HSPA14: variants seen among roughly 807,000 people sequenced by gnomAD.
HSPA14 encodes heat shock 70 kDa protein 14.
Under a neutral mutation model 65.5 loss-of-function variants are expected in HSPA14, and 37 were observed. That is an observed-to-expected ratio of 0.56 (90% CI 0.43 to 0.74). The LOEUF (loss-of-function observed/expected upper bound fraction) is 0.74. Ranked by LOEUF, HSPA14 falls within the 30% of genes least tolerant of loss-of-function variation. The pLI is 0.00. For synonymous variants in HSPA14, 203 were observed against 214.2 expected (o/e 0.95, Z 0.46); for missense variants, 564 against 607.6 (o/e 0.93, Z 0.75).
At chr10:14,863,109 A>G (rs1197178210) in intron 10 of HSPA14, among the ~76,000 whole-genome samples, 1 of 152,210 alleles carries the variant, frequency 6.6e-6, no homozygotes, top group African/African-American at 2.4e-5. Context: ...TAATGAATTA[A>G]TAATTTCCTA....
Position 14,854,308 on chromosome 10 carries a change from T to A in HSPA14, c.890+28T>A, listed in dbSNP as rs189348947. The A allele has an allele frequency of 1.7e-3, 2,618 of 1,546,312 alleles. 37 individuals carry two copies. In the South Asian group the frequency reaches 0.022, roughly 13 times the overall value. On this transcript the variant is annotated intron_variant, in intron 9 of 13. Coordinates refer to ENST00000378372, the MANE Select transcript of HSPA14 (RefSeq NM_016299.4). ...AAAACTGAAGTTCAAAAAACTTTTT[T>A]AAAAAATTCCAAGAACATGTTTGTT...
At chr10:14,838,586 G>C in intron 1 of HSPA14, 127 bp downstream of exon 1, 1 of 913,856 alleles carries the variant, frequency 1.1e-6, no homozygotes, top group South Asian at 1.7e-5. Flanking sequence ...GTTGCCGCGA[G>C]GACACTCCGG....
rs887168557 is a variant in HSPA14, at chr10:14,852,508, G to C, written c.711G>C (p.Gln237His). Residue 237 changes from glutamine to histidine, a missense_variant, in exon 8 of 14, where the codon CAG becomes CAC. Transcript: ENST00000378372. ...GGAHFTETLA[Q>H]YLASEFQRSF... ...CACATTTCACAGAAACCTTAGCACA[G>C]TATCTAGCTTCTGAGTTCCAAAGGT... The C allele has an allele frequency of 1.2e-6, 2 of 1,612,540 alleles. No homozygotes were observed. The highest frequency in any genetic ancestry group is 2.2e-5 in the East Asian group (1 of 44,800).
At chr10:14,839,750 A>G (rs1025118334) in intron 1 of HSPA14, among the ~76,000 whole-genome samples, 155 bp from the exon 2 acceptor site, 1 of 152,208 alleles carries the variant, frequency 6.6e-6, no homozygotes, top group Admixed American at 6.5e-5. Flanking sequence ...GCTTTCTATG[A>G]AAACGAGGAA....
Position 14,840,071 on chromosome 10 carries a change from T to C in HSPA14, c.139-4T>C, listed in dbSNP as rs1833953827. ...ATATATATATATATTATTTTTTTTTTCAGATTGTTGGATTGGCAGCAAAAC... is the reference window on the plus strand; with the variant it reads ...ATATATATATATATTATTTTTTTTTCCAGATTGTTGGATTGGCAGCAAAAC... On this transcript the variant is annotated splice_polypyrimidine_tract_variant and splice_region_variant and intron_variant, in intron 2 of 13. Transcript: ENST00000378372. The C allele has an allele frequency of 7.8e-7, 1 of 1,278,934 alleles. No individual in the cohort carries two copies. 79.2% of individuals were successfully genotyped at this position (1,278,934 alleles called of 1,614,324 possible). A position where few individuals can be genotyped will look rare whatever the true frequency, so the allele number is the denominator to read the frequency against.
intron 3 of HSPA14, chr10:14,844,122 C>T (rs1383226146): frequency 1.6e-5 from 21 of 1,352,354 alleles, no homozygotes; most frequent in Non-Finnish European, 1.8e-5. Flanking sequence ...GATGGAGCCA[C>T]GTTCTAGACA....
At chr10:14,838,637 C>G (rs561226693) in intron 1 of HSPA14, 178 bp downstream of exon 1, 4 of 597,068 alleles carry the variant, frequency 6.7e-6, no homozygotes, top group African/African-American at 5.9e-5. Context: ...CCTGGCGATT[C>G]CTCCGGAAAG....
Position 14,855,832 on chromosome 10 carries a change from T to C in HSPA14, c.891-9T>C, listed in dbSNP as rs898122941. On this transcript the variant is annotated splice_polypyrimidine_tract_variant and intron_variant, in intron 9 of 13. Transcript: ENST00000378372. The stretch of plus-strand genomic sequence containing the variant: ...CTGTGTGTTTCTGTGTGTGTGTATG[T>C]GTGTACAGAGCAAGATTTGAACTTC... 1 of 1,440,644 alleles carries C rather than the reference T, an allele frequency of 6.9e-7. No individual in the cohort carries two copies. Among genetic ancestry groups the C allele is most frequent in the Admixed American group, 1.7e-5 (1 of 59,298 alleles). The allele number at this position is 1,440,644 out of a possible 1,614,324, so 89.2% of individuals were successfully genotyped here.
rs762137167 is a variant in HSPA14, at chr10:14,855,894, T to C, written c.944T>C (p.Ile315Thr). 6.2e-7 allele frequency: 1 copy of C among 1,609,968 alleles called. No individual in the cohort carries two copies. Among genetic ancestry groups the C allele is most frequent in the South Asian group, 1.1e-5 (1 of 90,956 alleles). Residue 315 changes from isoleucine (I) to threonine (T), a missense_variant, in exon 10 of 14, where the codon ATC becomes ACC. Coordinates refer to ENST00000378372, the MANE Select transcript of HSPA14 (RefSeq NM_016299.4). ...SPLFNKCIEA[I>T]RGLLDQNGFT... The stretch of plus-strand genomic sequence containing the variant: ...CTTTTTAATAAGTGTATAGAAGCAA[T>C]CAGAGGACTCTTAGATCAAAATGGA...
chr10:14,844,032 TA>T, intron 3 of HSPA14: 1 of 1,443,222 alleles, frequency 6.9e-7, no homozygotes, highest in East Asian at 2.5e-5. Flanking sequence ...AGTATGAAAA[TA>T]ATTGCTAGTT....
chr10:14,871,377 C>G (rs1263052795), intron 13 of HSPA14, 151 bp from the exon 14 acceptor site: 1 of 566,936 alleles, frequency 1.8e-6, no homozygotes, highest in Non-Finnish European at 3.1e-6. Flanking sequence ...TTTAGAGACA[C>G]TGAGATTGTG....
chr10:14,841,987 C>G, intron 3 of HSPA14: 1 of 514,712 alleles, frequency 1.9e-6, no homozygotes, highest in Non-Finnish European at 3.6e-6. Context: ...GGTGCCGTGT[C>G]TACCCTGGGT....
At chr10:14,844,731 T>C in intron 3 of HSPA14, 2 of 963,994 alleles carry the variant, frequency 2.1e-6, no homozygotes, top group Non-Finnish European at 2.5e-6. Context: ...TAAATATATG[T>C]AAATTCTTTG....
rs868767840 is a variant in HSPA14, at chr10:14,851,289, T to C, written c.538T>C (p.Tyr180His). 3 of 1,611,992 alleles carry C rather than the reference T, an allele frequency of 1.9e-6. No individual in the cohort carries two copies. In the African/African-American group the frequency reaches 4.0e-5, roughly 22 times the overall value. ...CGAACCGTCTGCAGCTCTTCTTGCT[T>C]ATGGAATTGGACAAGACTCCCCTAC... is the stretch of plus-strand genomic sequence containing the variant. The part of the protein sequence containing the change: ...IHEPSAALLA[Y>H]GIGQDSPTGK... Residue 180 changes from tyrosine to histidine, a missense_variant, in exon 7 of 14, where the codon TAT (tyrosine) becomes CAT (histidine). Transcript: ENST00000378372.
rs897268037 is a variant in HSPA14, at chr10:14,848,652, T to C, written c.265T>C (p.Cys89Arg). The change falls in exon 4 of 14, where the codon TGT becomes CGT. Residue 89 changes from cysteine to arginine, a missense_variant. By Grantham distance (180) the Cys-to-Arg change is radical. Coordinates refer to ENST00000378372, the MANE Select transcript of HSPA14 (RefSeq NM_016299.4). Reference sequence around the variant, plus strand: ...TCAGAAATACATCGCGGAAAGTAAATGTTTAGTGAGTATGGTTCTGTTATT... The same window carrying C: ...TCAGAAATACATCGCGGAAAGTAAACGTTTAGTGAGTATGGTTCTGTTATT... ...QAQKYIAESK[C>R]LVIEKNGKLR... 1.2e-6 allele frequency: 2 copies of C among 1,610,202 alleles called. No individual in the cohort carries two copies. Among genetic ancestry groups the C allele is most frequent in the African/African-American group, 2.7e-5 (2 of 74,834 alleles).
chr10:14,838,667 G>A, intron 1 of HSPA14: 3 of 527,782 alleles, frequency 5.7e-6, no homozygotes, highest in Non-Finnish European at 9.9e-6. Context: ...CCGCGGCGGA[G>A]GCTCGCGGCG....
intron 7 of HSPA14, 147 bp from the exon 8 acceptor site, chr10:14,852,223 A>G (rs1834113564): frequency 7.6e-6 from 5 of 656,734 alleles, no homozygotes; most frequent in Non-Finnish European, 1.3e-5. Context: ...TGATTTGTCA[A>G]TAAGTGACTA....
chr10:14,859,164 A>G (rs183971733), intron 10 of HSPA14, among the ~76,000 whole-genome samples: 11 of 152,096 alleles, frequency 7.2e-5, no homozygotes, highest in African/African-American at 2.2e-4. Flanking sequence ...CTTTGTATCA[A>G]AGTTCTATCA....
intron 10 of HSPA14, 94 bp downstream of exon 10, chr10:14,856,037 C>A (rs897788027): frequency 5.6e-6 from 4 of 711,558 alleles, no homozygotes; most frequent in Non-Finnish European, 9.6e-6. Flanking sequence ...TATTTTAATG[C>A]ATTTAAGAAT....
Sources: allele counts gnomAD v4.1 joint callset (sites outside exome capture counted in the v4.1 genomes callset), GRCh38; gene constraint gnomAD v4.1.1; transcripts MANE v1.5; gene names NCBI Gene and HGNC (gene_info 2026-07-23, HGNC 2026-07-21).